The following SORBS2 variants were observed in gnomAD, a reference collection of about 807,000 sequenced individuals.
The protein encoded by SORBS2 is sorbin and SH3 domain-containing protein 2.
In SORBS2, 46 loss-of-function variants were observed where a neutral mutation model predicts 97.7. The ratio of observed to expected loss-of-function variants is 0.47; its 90% CI spans 0.37 to 0.60. The LOEUF (loss-of-function observed/expected upper bound fraction) is 0.60. SORBS2 is among the 20% of genes least tolerant of loss of function. The pLI, the probability that SORBS2 is intolerant of heterozygous loss-of-function variation, is 0.00. For missense variants in SORBS2, 1,316 were observed against 1,282.3 expected, an observed-to-expected ratio of 1.03 and a Z score of -0.40; for synonymous variants, 476 against 473.4, an observed-to-expected ratio of 1.01 and a Z score of -0.07.
In SORBS2 at chr4:185,601,004, G is replaced by T. The variant is rs187569899; in HGVS notation, c.2797-7069C>A. Among the ~76,000 whole-genome samples, 11 of 152,226 alleles carry T rather than the reference G, an allele frequency of 7.2e-5. No individual in the cohort carries two copies. The East Asian group carries it at 2.1e-3, about 29-fold the overall frequency. ...TTATTTTCCTTCCAATAGCGGACAG[G>T]ATCTGGCAGTGTACTGCCTGGTATT... On this transcript the variant is annotated intron_variant, in intron 12 of 14. Transcript: ENST00000418609.
chr4:185,666,030 A>G, intron 4 of SORBS2: 2 of 1,289,630 alleles, frequency 1.6e-6, no homozygotes, highest in Non-Finnish European at 2.0e-6. Flanking sequence ...ACCCCACACC[A>G]TCGGGGGGCG....
chr4:185,624,569 G>A (rs1015498554), intron 6 of SORBS2, 75 bp from the exon 19 acceptor site: 1 of 1,445,556 alleles, frequency 6.9e-7, no homozygotes, highest in African/African-American at 1.5e-5. Flanking sequence ...AGGAGAGCAT[G>A]TCAGTAAAGC....
chr4:185,599,277 C>T (rs976817400), intron 12 of SORBS2, among the ~76,000 whole-genome samples: 1 of 152,196 alleles, frequency 6.6e-6, no homozygotes, highest in Non-Finnish European at 1.5e-5. Flanking sequence ...GGAAAGGAAT[C>T]CTGACTTATG....
upstream of SORBS2, among the ~76,000 whole-genome samples, chr4:185,660,934 AT>A (rs147862991): frequency 5.9e-5 from 9 of 151,912 alleles, no homozygotes; most frequent in African/African-American, 2.2e-4. Flanking sequence ...TCAATTTCGT[AT>A]TTTTTTTGAT....
intron 1 of SORBS2, among the ~76,000 whole-genome samples, chr4:185,806,796 C>T (rs1244684338): frequency 1.3e-5 from 2 of 152,106 alleles, no homozygotes; most frequent in Non-Finnish European, 1.5e-5. Flanking sequence ...GGACTCCTTG[C>T]GGCTAATCCT....
At chr4:185,712,454 C>T (rs1281989578) in intron 2 of SORBS2, among the ~76,000 whole-genome samples, 2 of 152,218 alleles carry the variant, frequency 1.3e-5, no homozygotes, top group African/African-American at 4.8e-5. Context: ...CCTCATTTTT[C>T]CTGGATGCCA....
At chr4:185,910,291 TTTTCAATGCG>T (rs1480102849) in intron 1 of SORBS2, among the ~76,000 whole-genome samples, 2 of 152,226 alleles carry the variant, frequency 1.3e-5, no homozygotes, top group African/African-American at 2.4e-5. Context: ...CCCTACTCCA[TTTTCAATGCG>T]TTTCCTGTGT....
intron 2 of SORBS2, among the ~76,000 whole-genome samples, chr4:185,701,959 CG>C (rs1385548089): frequency 6.6e-6 from 1 of 151,968 alleles, no homozygotes; most frequent in Non-Finnish European, 1.5e-5. Context: ...TTAGTAGAGA[CG>C]GGGTTTCACC....
intron 1 of SORBS2, among the ~76,000 whole-genome samples, chr4:185,805,132 T>C (rs2153661433): frequency 6.6e-6 from 1 of 152,308 alleles, no homozygotes; most frequent in East Asian, 1.9e-4. Context: ...TCTGAATTAT[T>C]CACCATATGA....
At chr4:185,791,967 T>A (rs2099082206) in intron 1 of SORBS2, among the ~76,000 whole-genome samples, 2 of 152,206 alleles carry the variant, frequency 1.3e-5, no homozygotes, top group Non-Finnish European at 2.9e-5. Context: ...TTGGTGATGA[T>A]CAGTTTTCTA....
intron 1 of SORBS2, among the ~76,000 whole-genome samples, chr4:185,873,616 A>G (rs1425595774): frequency 3.9e-5 from 6 of 152,170 alleles, no homozygotes; most frequent in Non-Finnish European, 1.5e-5. Context: ...TCAATCATGT[A>G]ACAGCGATTA....
intron 1 of SORBS2, among the ~76,000 whole-genome samples, chr4:185,852,139 A>G (rs1014160140): frequency 4.6e-5 from 7 of 152,224 alleles, no homozygotes; most frequent in African/African-American, 1.7e-4. Flanking sequence ...CATGGAGTCA[A>G]CACAGCTACA....
intron 1 of SORBS2, among the ~76,000 whole-genome samples, chr4:185,831,359 C>T (rs375344934): frequency 2.0e-5 from 3 of 152,196 alleles, no homozygotes; most frequent in African/African-American, 7.2e-5. Context: ...CATGCCCAGA[C>T]GAGGCAGCTA....
intron 1 of SORBS2, among the ~76,000 whole-genome samples, chr4:185,940,307 C>T (rs972723972): frequency 3.9e-5 from 6 of 152,188 alleles, no homozygotes; most frequent in African/African-American, 7.2e-5. Flanking sequence ...AAATGGCACA[C>T]GGCCTAGACA....
exon 15 of SORBS2, chr4:185,586,823 A>G (rs1341062052): frequency 6.6e-6 from 1 of 152,656 alleles, no homozygotes; most frequent in Non-Finnish European, 1.5e-5. Context: ...TGATCATTAC[A>G]TTTTAATATA....
intron 2 of SORBS2, among the ~76,000 whole-genome samples, chr4:185,690,223 C>G (rs539817323): frequency 6.6e-6 from 1 of 152,194 alleles, no homozygotes; most frequent in Non-Finnish European, 1.5e-5. Flanking sequence ...TCTTCTAGAG[C>G]AACTTGCCTT....
At chr4:185,683,003 C>A (rs1441022232) in intron 2 of SORBS2, among the ~76,000 whole-genome samples, 2 of 142,116 alleles carry the variant, frequency 1.4e-5, no homozygotes, top group Non-Finnish European at 3.0e-5. Context: ...CAGAGCAAGA[C>A]CCACCCGTCT....
intron 1 of SORBS2, among the ~76,000 whole-genome samples, chr4:185,946,015 T>C (rs1488657626): frequency 6.6e-6 from 1 of 152,226 alleles, no homozygotes; most frequent in Non-Finnish European, 1.5e-5. Flanking sequence ...TGAGCAAAGC[T>C]GGACCTTCTT....
chr4:185,601,327 A>C (rs938412113), intron 12 of SORBS2, among the ~76,000 whole-genome samples: 3 of 152,122 alleles, frequency 2.0e-5, no homozygotes, highest in Non-Finnish European at 4.4e-5. Flanking sequence ...GGATGTACTC[A>C]TGTCATAAGC....
Sources: gnomAD v4.1 joint callset for allele counts (sites outside exome capture counted in the v4.1 genomes callset) on GRCh38, gnomAD v4.1.1 for gene constraint, MANE v1.5 for transcripts, NCBI Gene and HGNC (gene_info 2026-07-23, HGNC 2026-07-21) for gene names.